Variants in KANK1 observed in about 807,000 individuals in gnomAD.
The protein encoded by KANK1 is KN motif and ankyrin repeat domain-containing protein 1.
KANK1 carries 109 observed loss-of-function variants against 106.2 expected under a neutral mutation model. That is an observed-to-expected ratio of 1.03 (90% CI 0.88 to 1.20). KANK1 has a LOEUF of 1.20. Ranked by LOEUF, KANK1 falls within the 50% of genes most tolerant of loss-of-function variation. The pLI, the probability that KANK1 is intolerant of heterozygous loss-of-function variation, is 0.00. For synonymous variants in KANK1, 873 were observed against 652.2 expected (o/e 1.34, Z -5.16); for missense variants, 2,399 against 1,710.7 (o/e 1.40, Z -7.10).
At chr9:688,081 T>G (rs1156377443) in intron 2 of KANK1, among the ~76,000 whole-genome samples, 1 of 152,222 alleles carries the variant, frequency 6.6e-6, no homozygotes, top group East Asian at 1.9e-4. Context: ...GCCTGAGCCC[T>G]GCCAGTTGCC....
chr9:592,611 C>G (rs1185867490), intron 1 of KANK1, among the ~76,000 whole-genome samples: 1 of 151,888 alleles, frequency 6.6e-6, no homozygotes, highest in African/African-American at 2.4e-5. Context: ...ACATCTCTAA[C>G]CACAAGATTG....
intron 2 of KANK1, among the ~76,000 whole-genome samples, chr9:695,613 G>T (rs570518312): frequency 1.7e-4 from 25 of 149,040 alleles, no homozygotes; most frequent in African/African-American, 2.7e-4. Context: ...CTTCGTGGGG[G>T]GGGGGGCAAG....
intron 1 of KANK1, among the ~76,000 whole-genome samples, chr9:623,844 A>G (rs1017828430): frequency 3.9e-5 from 6 of 152,068 alleles, no homozygotes; most frequent in Non-Finnish European, 8.8e-5. Context: ...TTTTGTAAAA[A>G]TCAACTATAT....
intron 1 of KANK1, among the ~76,000 whole-genome samples, chr9:519,794 A>G (rs999324251): frequency 1.3e-5 from 2 of 151,784 alleles, no homozygotes. Context: ...TGTTCTCAAT[A>G]AGGTCTTCTA....
intron 1 of KANK1, among the ~76,000 whole-genome samples, chr9:650,329 A>G (rs1840606602): frequency 6.6e-6 from 1 of 152,184 alleles, no homozygotes; most frequent in South Asian, 2.1e-4. Flanking sequence ...GGAAATAAAG[A>G]CAAATCAGGG....
At chr9:530,975 A>T (rs980888445) in intron 1 of KANK1, among the ~76,000 whole-genome samples, 7 of 152,156 alleles carry the variant, frequency 4.6e-5, no homozygotes, top group African/African-American at 1.4e-4. Flanking sequence ...AAATAATTTT[A>T]AAAAATGAAT....
intron 2 of KANK1, chr9:693,895 T>C: frequency 1.2e-6 from 1 of 857,178 alleles, no homozygotes; most frequent in East Asian, 1.2e-4. Flanking sequence ...GATTTGCTTT[T>C]ACTTCAAGCT....
chr9:678,617 A>G (rs1334874546), intron 2 of KANK1, among the ~76,000 whole-genome samples: 1 of 152,122 alleles, frequency 6.6e-6, no homozygotes, highest in Admixed American at 6.5e-5. Context: ...AATCCCAGCT[A>G]CTTAGGAGGC....
chr9:720,294 A>G (rs1263410112), intron 3 of KANK1, among the ~76,000 whole-genome samples: 1 of 152,250 alleles, frequency 6.6e-6, no homozygotes, highest in Non-Finnish European at 1.5e-5. Context: ...TTGAGCATCT[A>G]GACCAGAGTG....
intron 1 of KANK1, among the ~76,000 whole-genome samples, chr9:635,402 G>A (rs551069119): frequency 2.6e-5 from 4 of 152,192 alleles, no homozygotes; most frequent in East Asian, 1.9e-4. Context: ...GCATGCCTGC[G>A]CTGCTCTCTA....
At chr9:504,844 C>G (rs1414421320) in intron 1 of KANK1, 90 bp downstream of exon 1, 1 of 135,990 alleles carries the variant, frequency 7.4e-6, no homozygotes, top group Non-Finnish European at 1.6e-5. Context: ...CGGGCTGGCC[C>G]CGCGCGGAGC....
chr9:572,287 C>G (rs1197142109), intron 1 of KANK1, among the ~76,000 whole-genome samples: 3 of 151,650 alleles, frequency 2.0e-5, no homozygotes, highest in Admixed American at 6.6e-5. Context: ...TCTTGAACAG[C>G]TAGGACTACT....
chr9:508,912 T>A (rs1164946044), intron 1 of KANK1, among the ~76,000 whole-genome samples: 1 of 152,194 alleles, frequency 6.6e-6, no homozygotes, highest in African/African-American at 2.4e-5. Context: ...TTTGTACAAA[T>A]TCTATTCAGA....
rs534587908 is a variant in KANK1, at chr9:604,975, C to T, written c.-83-71915C>T. ...ATGGACTAATGCAATTGGGCAATGT[C>T]TGACAGTTTGCAAATACCATCTCAT... On this transcript the variant is annotated intron_variant, in intron 1 of 11. Transcript: ENST00000382297. Among the ~76,000 whole-genome samples the T allele has an allele frequency of 3.9e-5, 6 of 151,964 alleles. 1 individual carries two copies. The South Asian group carries it at 1.2e-3, about 32-fold the overall frequency.
At chr9:709,543 C>T (rs1471796395) in intron 2 of KANK1, among the ~76,000 whole-genome samples, 1 of 151,348 alleles carries the variant, frequency 6.6e-6, no homozygotes, top group African/African-American at 2.4e-5. Context: ...ATCTTAATGT[C>T]TGCTGTCTAT....
chr9:559,000 A>G (rs1013660130), intron 1 of KANK1: 6 of 152,210 alleles, frequency 3.9e-5, no homozygotes, highest in African/African-American at 1.4e-4. Context: ...TTGGGGTTAT[A>G]AATAAGTTTT....
Position 712,839 on chromosome 9 carries a change from C to T in KANK1, c.2073C>T (p.Leu691=), listed in dbSNP as rs2130964335. 6 of 1,613,966 alleles carry T rather than the reference C, an allele frequency of 3.7e-6. No homozygotes were observed. The highest frequency in any genetic ancestry group is 4.2e-6 in the Non-Finnish European group (5 of 1,179,974). ...TCACCAACACCGAGACGGCCACCCT[C>T]ATAGAGTCCTGCACCAACACTTGTC... The part of the protein sequence containing the change: ...HQFTNTETAT[L]IESCTNTCLS... The change falls in exon 3 of 12, where the codon CTC becomes CTT. Residue 691 remains leucine (L), a synonymous_variant. Coordinates refer to ENST00000382297, the MANE Select transcript of KANK1 (RefSeq NM_015158.5).
At chr9:637,273 G>T (rs1050753914) in intron 1 of KANK1, among the ~76,000 whole-genome samples, 2 of 152,122 alleles carry the variant, frequency 1.3e-5, no homozygotes, top group African/African-American at 4.8e-5. Context: ...GAAAGCTTTT[G>T]TTCCAGCATT....
intron 1 of KANK1, among the ~76,000 whole-genome samples, chr9:512,269 A>G (rs1426258892): frequency 6.7e-6 from 1 of 148,328 alleles, no homozygotes; most frequent in African/African-American, 2.6e-5. Flanking sequence ...ACACACACAC[A>G]AGATTTTTAA....
Sources: gnomAD v4.1 joint callset for allele counts (sites outside exome capture counted in the v4.1 genomes callset) on GRCh38, gnomAD v4.1.1 for gene constraint, MANE v1.5 for transcripts, NCBI Gene and HGNC (gene_info 2026-07-23, HGNC 2026-07-21) for gene names.